Variants in MYO1D observed in about 807,000 individuals in gnomAD.
MYO1D encodes myosin ID.
A neutral mutation model predicts 122.0 loss-of-function variants in MYO1D; 83 were observed. The ratio of observed to expected loss-of-function variants is 0.68; its 90% CI spans 0.57 to 0.82. The LOEUF (loss-of-function observed/expected upper bound fraction) is 0.82, where lower values mean the gene tolerates loss of function less well. MYO1D is among the 40% of genes least tolerant of loss of function. The pLI, the probability that MYO1D is intolerant of heterozygous loss-of-function variation, is 0.00. For missense variants in MYO1D, 1,157 were observed against 1,269.5 expected, an observed-to-expected ratio of 0.91 and a Z score of 1.35; for synonymous variants, 464 against 446.9, an observed-to-expected ratio of 1.04 and a Z score of -0.48.
intron 11 of MYO1D, 76 bp from the exon 12 acceptor site, chr17:32,749,082 A>C: frequency 7.9e-7 from 1 of 1,260,736 alleles, no homozygotes. Context: ...GCTTAATATG[A>C]AATGATGATA....
chr17:32,638,096 C>A (rs2150938803), intron 20 of MYO1D, among the ~76,000 whole-genome samples: 1 of 152,252 alleles, frequency 6.6e-6, no homozygotes, highest in East Asian at 1.9e-4. Flanking sequence ...TCCGAAGAAT[C>A]AGAATAAACA....
intron 20 of MYO1D, among the ~76,000 whole-genome samples, chr17:32,615,518 C>T (rs1239732789): frequency 6.6e-6 from 1 of 152,178 alleles, no homozygotes; most frequent in Non-Finnish European, 1.5e-5. Context: ...AAGAATGGTT[C>T]TGCTCTCATG....
Position 32,775,973 on chromosome 17 carries a change from T to G in MYO1D, c.455A>C (p.Lys152Thr). The change falls in exon 4 of 22, where the codon AAA becomes ACA. Residue 152 changes from lysine to threonine, a missense_variant. Coordinates refer to ENST00000318217, the MANE Select transcript of MYO1D (RefSeq NM_015194.3). ...GCTTGAGTTGTCATTACGGTTGGTT[T>G]TGGCATTTCCAAAAGCTTCCAAAAC... ...NCVLEAFGNA[K>T]TNRNDNSSRF... is the part of the protein sequence containing the mutation. 2 of 1,614,006 alleles carry G rather than the reference T, an allele frequency of 1.2e-6. No individual in the cohort carries two copies. Among genetic ancestry groups the G allele is most frequent in the Non-Finnish European group, 1.7e-6 (2 of 1,179,938 alleles).
At chr17:32,690,938 T>C (rs1339243460) in intron 16 of MYO1D, among the ~76,000 whole-genome samples, 1 of 152,190 alleles carries the variant, frequency 6.6e-6, no homozygotes, top group Non-Finnish European at 1.5e-5. Flanking sequence ...TTATACATTA[T>C]ATTGTTGCTA....
chr17:32,809,812 T>C (rs1172876899), intron 1 of MYO1D, among the ~76,000 whole-genome samples: 1 of 152,246 alleles, frequency 6.6e-6, no homozygotes, highest in Non-Finnish European at 1.5e-5. Context: ...CTGCTAATAC[T>C]TGGACAGGCC....
rs532009989 is a variant in MYO1D at position 32,521,451 on chromosome 17, G to A, written c.2865-26536C>T. ...AGGAACAAACTGAAAAGAACAGTGA[G>A]GAGGTTAAGGAGGAATTTTCAGTTC... On this transcript the variant is annotated intron_variant, in intron 21 of 21. Coordinates refer to ENST00000318217, the MANE Select transcript of MYO1D (RefSeq NM_015194.3). 3.9e-5 allele frequency among the ~76,000 whole-genome samples: 6 copies of A among 152,320 alleles called. No individual in the cohort carries two copies. In the East Asian group the frequency reaches 1.2e-3, roughly 29 times the overall value.
At chr17:32,571,475 T>A (rs2087227104) in intron 21 of MYO1D, among the ~76,000 whole-genome samples, 2 of 152,276 alleles carry the variant, frequency 1.3e-5, no homozygotes, top group African/African-American at 4.8e-5. Flanking sequence ...CCATATGGCC[T>A]AGAAAAACTG....
intron 1 of MYO1D, among the ~76,000 whole-genome samples, chr17:32,828,873 ATATTCCTGC>A (rs1417736301): frequency 2.6e-5 from 4 of 152,178 alleles, no homozygotes; most frequent in Admixed American, 6.5e-5. Context: ...CTACTATACT[ATATTCCTGC>A]TATGGAAACG....
intron 1 of MYO1D, among the ~76,000 whole-genome samples, chr17:32,782,948 T>C (rs1367239486): frequency 7.6e-6 from 1 of 132,412 alleles, no homozygotes; most frequent in Non-Finnish European, 1.6e-5. Flanking sequence ...AAAAAAAAAA[T>C]CCAATTCCCT....
In MYO1D at chr17:32,638,828, C is replaced by T. The variant is rs565039949; in HGVS notation, c.2603G>A (p.Arg868Gln). Residue 868 changes from arginine to glutamine, a missense_variant, in exon 20 of 22, where the codon CGA becomes CAA. Transcript: ENST00000318217. Reference protein sequence around the residue: ...LFSCHVRKVNRFSKVEDRAIF... With the variant: ...LFSCHVRKVNQFSKVEDRAIF... ...TGCTCTGTCTTCCACCTTACTAAATCGATTTACCTGTAAGAGAACAAACCA... is the reference window on the plus strand; with the variant it reads ...TGCTCTGTCTTCCACCTTACTAAATTGATTTACCTGTAAGAGAACAAACCA... 11 of 1,608,544 alleles carry T rather than the reference C, an allele frequency of 6.8e-6. No homozygotes were observed. The highest frequency in any genetic ancestry group is 4.0e-5 in the African/African-American group (3 of 74,910).
chr17:32,572,169 T>C (rs140974306), intron 21 of MYO1D, among the ~76,000 whole-genome samples: 1 of 152,132 alleles, frequency 6.6e-6, no homozygotes, highest in East Asian at 1.9e-4. Flanking sequence ...ACTCTCTCTG[T>C]ATTTCCCATT....
At chr17:32,682,551 C>T (rs964174395) in intron 16 of MYO1D, among the ~76,000 whole-genome samples, 29 of 151,318 alleles carry the variant, frequency 1.9e-4, no homozygotes, top group African/African-American at 7.1e-4. Context: ...GTTGAAAATT[C>T]TTTTTTTTAA....
chr17:32,851,276 C>T (rs2151081553), intron 1 of MYO1D, among the ~76,000 whole-genome samples: 1 of 152,326 alleles, frequency 6.6e-6, no homozygotes, highest in South Asian at 2.1e-4. Context: ...ACTTTACCTA[C>T]ATCCACCCTA....
intron 16 of MYO1D, among the ~76,000 whole-genome samples, chr17:32,709,099 A>G (rs115638566): frequency 7.7e-4 from 117 of 152,348 alleles, no homozygotes; most frequent in African/African-American, 2.6e-3. Flanking sequence ...AAGGAAGTAA[A>G]CAAACTATCG....
intron 20 of MYO1D, among the ~76,000 whole-genome samples, chr17:32,619,816 C>T (rs1022663938): frequency 6.6e-6 from 1 of 152,064 alleles, no homozygotes; most frequent in Non-Finnish European, 1.5e-5. Context: ...TTGACCCTCT[C>T]AGTGCAAAAT....
intron 1 of MYO1D, among the ~76,000 whole-genome samples, chr17:32,854,634 C>A (rs1403974112): frequency 6.6e-6 from 1 of 152,204 alleles, no homozygotes; most frequent in Admixed American, 6.5e-5. Flanking sequence ...TCCCTGTACA[C>A]AGACCAACTG....
intron 1 of MYO1D, among the ~76,000 whole-genome samples, chr17:32,812,656 A>AT (rs1216569970): frequency 6.6e-6 from 1 of 152,170 alleles, no homozygotes; most frequent in Non-Finnish European, 1.5e-5. Context: ...TGACCTTGAG[A>AT]TATAGCCTGT....
At chr17:32,727,246 C>T (rs1214621357) in intron 14 of MYO1D, among the ~76,000 whole-genome samples, 2 of 152,000 alleles carry the variant, frequency 1.3e-5, no homozygotes, top group East Asian at 1.9e-4. Context: ...CAAGTGACAG[C>T]TTAGGTGTAA....
intron 1 of MYO1D, among the ~76,000 whole-genome samples, chr17:32,844,381 G>A (rs1448996979): frequency 6.9e-6 from 1 of 144,984 alleles, no homozygotes; most frequent in Non-Finnish European, 1.5e-5. Flanking sequence ...GTATATATGT[G>A]TATATATACT....
Sources: gnomAD v4.1 joint callset for allele counts (sites outside exome capture counted in the v4.1 genomes callset) on GRCh38, gnomAD v4.1.1 for gene constraint, MANE v1.5 for transcripts, NCBI Gene and HGNC (gene_info 2026-07-23, HGNC 2026-07-21) for gene names.